The following DYSF variants were observed in gnomAD, a reference collection of about 807,000 sequenced individuals.
DYSF encodes dystrophy-associated fer-1-like 1.
In DYSF, 212 loss-of-function variants were observed where a neutral mutation model predicts 274.9. That is an observed-to-expected ratio of 0.77 (90% CI 0.69 to 0.86). The LOEUF (loss-of-function observed/expected upper bound fraction) is 0.86. DYSF is among the 40% of genes least tolerant of loss of function. The pLI, the probability that DYSF is intolerant of heterozygous loss-of-function variation, is 0.00. For synonymous variants in DYSF, 1,091 were observed against 1,078.7 expected (o/e 1.01, Z -0.22); for missense variants, 2,666 against 2,783.2 (o/e 0.96, Z 0.95).
chr2:71,655,247 A>G (rs1017084504), intron 42 of DYSF, among the ~76,000 whole-genome samples: 55 of 152,126 alleles, frequency 3.6e-4, no homozygotes, highest in African/African-American at 1.2e-3. Flanking sequence ...AGAATTTAAG[A>G]CAATATTAAT....
chr2:71,543,956 G>A (rs1382909857), intron 17 of DYSF, among the ~76,000 whole-genome samples: 1 of 151,548 alleles, frequency 6.6e-6, no homozygotes, highest in Non-Finnish European at 1.5e-5. Flanking sequence ...GACGGAGAGG[G>A]AGAGGGAGAC....
At chr2:71,547,772 T>G (rs80236801) in intron 17 of DYSF, among the ~76,000 whole-genome samples, 1 of 152,058 alleles carries the variant, frequency 6.6e-6, no homozygotes, top group South Asian at 2.1e-4. Flanking sequence ...AGATGGCCGA[T>G]GGGATTAGGG....
intron 38 of DYSF, among the ~76,000 whole-genome samples, chr2:71,612,348 G>A (rs921883082): frequency 8.5e-5 from 13 of 152,078 alleles, no homozygotes; most frequent in African/African-American, 2.9e-4. Context: ...AACTCCCCTC[G>A]CCCGCTCCCC....
Position 71,561,922 on chromosome 2 carries a change from G to T in DYSF, c.2387G>T (p.Arg796Leu). Residue 796 changes from arginine (R) to leucine (L), a missense_variant, in exon 23 of 56, where the codon CGT (arginine) becomes CTT (leucine). Arg to Leu is a moderately radical substitution (Grantham distance 102). This residue lies in a region of DYSF where 412 missense variants were observed against 504.0 expected (regional missense o/e 0.82). Transcript: ENST00000410020. Reference protein sequence around the residue: ...ALEQAEDWLLRLRALAEEPQN... With the variant: ...ALEQAEDWLLLLRALAEEPQN... ...GAGCAGGCGGAGGACTGGCTCCTGC[G>T]TCTGCGTGCCCTGGCAGAGGAGGTA... The T allele has an allele frequency of 6.2e-7, 1 of 1,614,020 alleles. No individual in the cohort carries two copies. Among genetic ancestry groups the T allele is most frequent in the Non-Finnish European group, 8.5e-7 (1 of 1,179,978 alleles).
chr2:71,666,230 G>A (rs568397928), intron 47 of DYSF, among the ~76,000 whole-genome samples: 5 of 152,290 alleles, frequency 3.3e-5, no homozygotes, highest in African/African-American at 9.6e-5. Context: ...CATGGCTCAT[G>A]GTCATAAAGT....
chr2:71,655,595 C>T (rs961103694), intron 42 of DYSF, among the ~76,000 whole-genome samples: 10 of 152,210 alleles, frequency 6.6e-5, no homozygotes, highest in African/African-American at 2.4e-4. Flanking sequence ...ATGAATTGAG[C>T]TAACAAGTTT....
intron 3 of DYSF, among the ~76,000 whole-genome samples, chr2:71,501,755 A>G (rs1249537633): frequency 1.3e-5 from 2 of 152,214 alleles, no homozygotes; most frequent in African/African-American, 4.8e-5. Context: ...GAGACTGAAT[A>G]ATATTCCATT....
At chr2:71,587,531 G>C (rs534081055) in intron 30 of DYSF, among the ~76,000 whole-genome samples, 1 of 152,178 alleles carries the variant, frequency 6.6e-6, no homozygotes, top group Non-Finnish European at 1.5e-5. Flanking sequence ...TCCCTCGTAA[G>C]GTCATTGATA....
At chr2:71,587,142 AC>A (rs1272133204) in intron 30 of DYSF, among the ~76,000 whole-genome samples, 1 of 152,078 alleles carries the variant, frequency 6.6e-6, no homozygotes, top group Non-Finnish European at 1.5e-5. Flanking sequence ...GGTGTTGCAC[AC>A]CCTGCAGCCA....
chr2:71,612,239 T>A (rs768175006), intron 38 of DYSF, among the ~76,000 whole-genome samples: 15 of 152,300 alleles, frequency 9.8e-5, no homozygotes, highest in Admixed American at 2.6e-4. Context: ...GTGTTCAAAG[T>A]GCTTTTGGGG....
intron 52 of DYSF, among the ~76,000 whole-genome samples, chr2:71,678,802 G>C (rs1222104670): frequency 6.6e-6 from 1 of 152,192 alleles, no homozygotes; most frequent in Non-Finnish European, 1.5e-5. Flanking sequence ...GGGTGGCTTT[G>C]TTAAGGGTGA....
chr2:71,636,615 T>C, intron 41 of DYSF, among the ~76,000 whole-genome samples: 1 of 152,112 alleles, frequency 6.6e-6, no homozygotes, highest in Admixed American at 6.5e-5. Context: ...TTGCAAAGCC[T>C]ATCAGATGTC....
intron 14 of DYSF, among the ~76,000 whole-genome samples, chr2:71,529,291 GC>G (rs2088366677): frequency 6.6e-6 from 1 of 152,042 alleles, no homozygotes; most frequent in Non-Finnish European, 1.5e-5. Flanking sequence ...CCTACCTCGT[GC>G]CCCCACAGCC....
At chr2:71,478,264 T>A (rs1283733949) in intron 1 of DYSF, among the ~76,000 whole-genome samples, 3 of 150,170 alleles carry the variant, frequency 2.0e-5, no homozygotes, top group South Asian at 2.1e-4. Flanking sequence ...CAGGCTGGAG[T>A]GCAGTGGTGC....
At chr2:71,553,434 C>T (rs990491039) in intron 20 of DYSF, among the ~76,000 whole-genome samples, 1 of 152,220 alleles carries the variant, frequency 6.6e-6, no homozygotes, top group African/African-American at 2.4e-5. Context: ...CTGATCATTT[C>T]AAGGAGTCAG....
Position 71,571,037 on chromosome 2 carries a change from TTACACCCAG to T in DYSF, c.3228+297_3228+305del, listed in dbSNP as rs1432173682. 132 of 397,546 alleles carry T rather than the reference TTACACCCAG, an allele frequency of 3.3e-4. No homozygotes were observed. In the African/African-American group the frequency reaches 4.3e-3, roughly 13 times the overall value. 24.6% of individuals were successfully genotyped at this position (397,546 alleles called of 1,614,324 possible). On this transcript the variant is annotated intron_variant, in intron 29 of 55. Transcript: ENST00000410020. ...AGATCACACTCAGCACACACACAGA[TTACACCCAG>T]CACACACACAGATCACACCCAGCAC...
intron 12 of DYSF, 149 bp downstream of exon 12, chr2:71,521,053 G>T: frequency 1.5e-6 from 1 of 678,126 alleles, no homozygotes; most frequent in South Asian, 1.9e-5. Flanking sequence ...GTAGAAAGGT[G>T]TTAATAAAAA....
chr2:71,511,875 T>G lies in DYSF; in HGVS notation c.414T>G (p.Thr138=). The G allele has an allele frequency of 6.4e-7, 1 of 1,551,292 alleles. No individual in the cohort carries two copies. The highest frequency in any genetic ancestry group is 8.7e-7 in the Non-Finnish European group (1 of 1,146,748). Residue 138 remains threonine, a synonymous_variant, in exon 5 of 56, where the codon ACT becomes ACG. Transcript: ENST00000410020. ...CTGTGCCCCTGTTCCCGCCCCCTAC[T>G]CCTCTGGAGCCCTCCCCGACTCTGC... ...PGAVPLFPPP[T]PLEPSPTLPD...
intron 7 of DYSF, among the ~76,000 whole-genome samples, chr2:71,514,410 C>A (rs1295350377): frequency 1.3e-5 from 2 of 151,936 alleles, no homozygotes; most frequent in African/African-American, 4.8e-5. Context: ...TTTTTTTCTC[C>A]TTATATCTAT....
Sources: gnomAD v4.1 joint callset for allele counts (sites outside exome capture counted in the v4.1 genomes callset) on GRCh38, gnomAD v4.1.1 for gene constraint, gnomAD v4.1.1 regional missense constraint, MANE v1.5 for transcripts, NCBI Gene and HGNC (gene_info 2026-07-23, HGNC 2026-07-21) for gene names.